The following FUT8 variants were observed in gnomAD, a reference collection of about 807,000 sequenced individuals.
The protein encoded by FUT8 is fucosyltransferase 8.
FUT8 carries 29 observed loss-of-function variants against 71.3 expected under a neutral mutation model. The ratio of observed to expected loss-of-function variants is 0.41; its 90% CI spans 0.30 to 0.55. The LOEUF (loss-of-function observed/expected upper bound fraction) is 0.55, where lower values mean the gene tolerates loss of function less well. Among genes scored for constraint, FUT8 ranks in the 20% least tolerant of loss-of-function variants. The pLI, the probability that FUT8 is intolerant of heterozygous loss-of-function variation, is 0.34. For missense variants in FUT8, 544 were observed against 702.1 expected (o/e 0.77, Z 2.55); for synonymous variants, 254 against 239.3 (o/e 1.06, Z -0.57).
intron 1 of FUT8, among the ~76,000 whole-genome samples, chr14:65,435,098 A>G (rs934769158): frequency 1.3e-5 from 2 of 152,036 alleles, no homozygotes; most frequent in African/African-American, 4.8e-5. Flanking sequence ...TAGTTCCAAA[A>G]CCCCTTCAGA....
chr14:65,369,916 A>G, the FUT8 span, among the ~76,000 whole-genome samples: 1 of 152,128 alleles, frequency 6.6e-6, no homozygotes, highest in African/African-American at 2.4e-5. The surrounding 1 kb of genome is among the most constrained non-coding windows in gnomAD (Gnocchi z 4.6). Context: ...ACTTGCTTTC[A>G]CTTTATGGAC....
In FUT8 at chr14:65,516,856, G is replaced by A. The variant is rs556357241; in HGVS notation, c.-227-44481G>A. Among the ~76,000 whole-genome samples the A allele has an allele frequency of 1.9e-4, 29 of 151,436 alleles. No individual in the cohort carries two copies. In the Middle Eastern group the frequency reaches 0.017, roughly 89 times the overall value. ...CATCCTGAAATGAAACTGTGTGCCC[G>A]TTACATAATAATTCCCCGTTACTTA... On this transcript the variant is annotated intron_variant, in intron 2 of 10. Coordinates refer to ENST00000673929, the MANE Select transcript of FUT8 (RefSeq NM_001371533.1).
At chr14:65,470,906 G>T (rs934943366) in intron 2 of FUT8, among the ~76,000 whole-genome samples, 1 of 151,942 alleles carries the variant, frequency 6.6e-6, no homozygotes, top group African/African-American at 2.4e-5. Flanking sequence ...GGGTCTGTCC[G>T]CCTCTCCCTG....
the FUT8 span, among the ~76,000 whole-genome samples, chr14:65,383,267 T>TTTTTTTC: frequency 9.9e-4 from 20 of 20,230 alleles, no homozygotes; most frequent in South Asian, 4.7e-3. Context: ...TTTCTTTTCT[T>TTTTTTTC]TTTTTTTTTT....
At chr14:65,711,060 A>C (rs1820106238) in intron 7 of FUT8, among the ~76,000 whole-genome samples, 2 of 152,102 alleles carry the variant, frequency 1.3e-5, no homozygotes, top group Non-Finnish European at 2.9e-5. Flanking sequence ...CTATAACCCA[A>C]ACACCTCCCA....
At chr14:65,650,108 AAC>A (rs59172011) in intron 6 of FUT8, among the ~76,000 whole-genome samples, 20,721 of 151,764 alleles carry the variant, frequency 0.14, 1,871 homozygotes, top group South Asian at 0.28. Context: ...CATCCTCGCT[AAC>A]ACAGTGAAAC....
chr14:65,500,358 A>G (rs1040098433), intron 2 of FUT8, among the ~76,000 whole-genome samples: 4 of 152,146 alleles, frequency 2.6e-5, no homozygotes, highest in African/African-American at 4.8e-5. Context: ...CATTGTCGTC[A>G]TCATCATCAT....
At chr14:65,415,308 C>T (rs2065202410) in intron 1 of FUT8, among the ~76,000 whole-genome samples, 1 of 152,026 alleles carries the variant, frequency 6.6e-6, no homozygotes, top group Non-Finnish European at 1.5e-5. Flanking sequence ...TTGATGTGGG[C>T]ATATATATGT....
chr14:65,466,023 G>A (rs763805104), intron 2 of FUT8, among the ~76,000 whole-genome samples: 1 of 152,110 alleles, frequency 6.6e-6, no homozygotes, highest in Non-Finnish European at 1.5e-5. Flanking sequence ...TCTGTTATTA[G>A]GTAATGCCCC....
upstream of FUT8, among the ~76,000 whole-genome samples, chr14:65,410,408 C>T (rs1055114797): frequency 6.6e-6 from 1 of 152,140 alleles, no homozygotes; most frequent in South Asian, 2.1e-4. Context: ...AATAATGTTC[C>T]ATCACAGGTG....
At chr14:65,588,691 A>C (rs573426106) in intron 3 of FUT8, among the ~76,000 whole-genome samples, 1 of 146,418 alleles carries the variant, frequency 6.8e-6, no homozygotes, top group East Asian at 2.0e-4. Flanking sequence ...TACACAGTCA[A>C]CTGTGGTCTG....
chr14:65,722,044 C>G, intron 8 of FUT8, 23 bp downstream of exon 8: 1 of 1,611,738 alleles, frequency 6.2e-7, no homozygotes. Context: ...TTTTTTCCCT[C>G]AAACTGTGAT....
intron 2 of FUT8, among the ~76,000 whole-genome samples, chr14:65,557,212 C>T (rs530859178): frequency 6.6e-6 from 1 of 152,040 alleles, no homozygotes; most frequent in South Asian, 2.1e-4. Context: ...AGACATTAAA[C>T]AAATATTACC....
intron 1 of FUT8, among the ~76,000 whole-genome samples, chr14:65,420,508 A>T (rs2065277153): frequency 6.6e-6 from 1 of 152,042 alleles, no homozygotes; most frequent in Admixed American, 6.6e-5. Context: ...AAATGTTTTA[A>T]TAGGGATCAT....
Position 65,669,452 on chromosome 14 carries a change from A to T in FUT8, c.807A>T (p.Arg269Ser). ...FRPVSETCTD[R>S]SGISTGHWSG... ...CTGTAAGTGAGACATGCACAGACAG[A>T]TCTGGCATCTCCACTGGACACTGGT... The change falls in exon 7 of 11, where the codon AGA becomes AGT. Residue 269 changes from arginine to serine, a missense_variant. Coordinates refer to ENST00000673929, the MANE Select transcript of FUT8 (RefSeq NM_001371533.1). The surrounding 1 kb of genome is among the most constrained non-coding windows in gnomAD (Gnocchi z 4.5). 6.2e-7 allele frequency: 1 copy of T among 1,613,352 alleles called. No individual in the cohort carries two copies. Among genetic ancestry groups the T allele is most frequent in the South Asian group, 1.1e-5 (1 of 91,052 alleles).
chr14:65,484,744 G>A (rs907385020), intron 2 of FUT8, among the ~76,000 whole-genome samples: 2 of 152,140 alleles, frequency 1.3e-5, no homozygotes, highest in East Asian at 1.9e-4. Flanking sequence ...CCAACTGTAT[G>A]TTTCTGAAAT....
At position 65,742,332 on chromosome 14, in the gene FUT8, G is replaced by A. The variant is rs1345476604; in HGVS notation, c.1650G>A (p.Thr550=). The A allele has an allele frequency of 5.0e-6, 8 of 1,612,678 alleles. No homozygotes were observed. The highest frequency in any genetic ancestry group is 4.4e-5 in the South Asian group (4 of 91,052). The change falls in exon 11 of 11, where the codon ACG becomes ACA. Residue 550 remains threonine (T), a synonymous_variant. Transcript: ENST00000673929. ...SKGVNRKLGR[T]GLYPSYKVRE... is the part of the protein sequence containing the mutation. ...GTGTCAACAGGAAATTGGGAAGGAC[G>A]GGCCTATATCCCTCCTACAAAGTTC...
chr14:65,441,707 C>A (rs915187379), intron 1 of FUT8, among the ~76,000 whole-genome samples: 3 of 124,998 alleles, frequency 2.4e-5, no homozygotes, highest in Non-Finnish European at 4.7e-5. Context: ...AAGCTGAGAT[C>A]GTGCCACTGT....
At chr14:65,484,783 G>A (rs753924260) in intron 2 of FUT8, among the ~76,000 whole-genome samples, 1 of 152,020 alleles carries the variant, frequency 6.6e-6, no homozygotes, top group African/African-American at 2.4e-5. Context: ...TGTATATTTG[G>A]CTTCTTGATG....
Sources: gnomAD v4.1 joint callset for allele counts (sites outside exome capture counted in the v4.1 genomes callset) on GRCh38, gnomAD v4.1.1 for gene constraint, Gnocchi (gnomAD v3.1) non-coding constraint, MANE v1.5 for transcripts, NCBI Gene and HGNC (gene_info 2026-07-23, HGNC 2026-07-21) for gene names.